The following LSAMP variants were observed in gnomAD, a reference collection of about 807,000 sequenced individuals.
LSAMP encodes limbic system associated membrane protein.
In LSAMP, 7 loss-of-function variants were observed where a neutral mutation model predicts 38.6. The observed-to-expected ratio is 0.18, with a 90% CI of 0.10 to 0.34. The LOEUF (loss-of-function observed/expected upper bound fraction) is 0.34. LSAMP is among the 10% of genes least tolerant of loss of function. LSAMP has a pLI of 1.00. For missense variants in LSAMP, 313 were observed against 420.0 expected, an observed-to-expected ratio of 0.75 and a Z score of 2.23; for synonymous variants, 154 against 166.8, an observed-to-expected ratio of 0.92 and a Z score of 0.59.
chr3:116,231,227 T>G (rs1035285189), intron 1 of LSAMP, among the ~76,000 whole-genome samples: 8 of 152,336 alleles, frequency 5.3e-5, no homozygotes, highest in African/African-American at 1.9e-4. Context: ...TTTTAACATT[T>G]GATGCAGTGA....
intron 1 of LSAMP, among the ~76,000 whole-genome samples, chr3:116,238,241 T>A (rs1220027231): frequency 6.6e-6 from 1 of 152,206 alleles, no homozygotes; most frequent in Non-Finnish European, 1.5e-5. Flanking sequence ...CCTACGAAGT[T>A]ATTGGCTCCC....
chr3:116,403,810 G>A (rs573579693), intron 1 of LSAMP, among the ~76,000 whole-genome samples: 6 of 151,970 alleles, frequency 3.9e-5, no homozygotes, highest in African/African-American at 7.3e-5. Flanking sequence ...GAGTGCAGGG[G>A]GGGTGATCAT....
chr3:116,241,602 A>G (rs1403287211), intron 1 of LSAMP, among the ~76,000 whole-genome samples: 6 of 152,184 alleles, frequency 3.9e-5, no homozygotes, highest in Non-Finnish European at 8.8e-5. Context: ...CTTGGTGTGC[A>G]AAATGTCTTA....
At chr3:116,391,503 C>G (rs2048697064) in intron 1 of LSAMP, among the ~76,000 whole-genome samples, 1 of 152,290 alleles carries the variant, frequency 6.6e-6, no homozygotes, top group Admixed American at 6.5e-5. Context: ...CTGGAGCCCA[C>G]CACCCTGGGG....
chr3:116,246,103 C>T (rs1576457312), intron 1 of LSAMP, among the ~76,000 whole-genome samples: 1 of 152,208 alleles, frequency 6.6e-6, no homozygotes, highest in South Asian at 2.1e-4. Context: ...CTGCTTAAAA[C>T]CGCCAATTAA....
At chr3:116,228,524 T>C (rs2046366825) in intron 1 of LSAMP, among the ~76,000 whole-genome samples, 2 of 152,096 alleles carry the variant, frequency 1.3e-5, no homozygotes, top group South Asian at 4.1e-4. Context: ...CCTGATATGA[T>C]GATTAAATGA....
intron 1 of LSAMP, among the ~76,000 whole-genome samples, chr3:116,103,559 T>G (rs76037305): frequency 7.3e-6 from 1 of 136,478 alleles, no homozygotes; most frequent in Non-Finnish European, 1.6e-5. Flanking sequence ...CATTCCATCT[T>G]TTTTTTTTTT....
intron 1 of LSAMP, among the ~76,000 whole-genome samples, chr3:116,295,230 A>T (rs939178032): frequency 1.1e-4 from 16 of 152,322 alleles, no homozygotes; most frequent in African/African-American, 3.8e-4. Flanking sequence ...AGGAATTTTT[A>T]AATTCTGAAT....
At chr3:116,328,545 T>C (rs2047805314) in intron 1 of LSAMP, among the ~76,000 whole-genome samples, 1 of 152,172 alleles carries the variant, frequency 6.6e-6, no homozygotes. Context: ...TTATTAGAAT[T>C]GTCATATAAA....
chr3:115,820,984 A>T (rs535936897), intron 6 of LSAMP, among the ~76,000 whole-genome samples: 4 of 152,172 alleles, frequency 2.6e-5, no homozygotes, highest in South Asian at 2.1e-4. Flanking sequence ...ATTTTAAAAC[A>T]CCTTCCTGAC....
intron 1 of LSAMP, among the ~76,000 whole-genome samples, chr3:116,201,776 G>A (rs781538331): frequency 6.6e-6 from 1 of 152,076 alleles, no homozygotes; most frequent in Non-Finnish European, 1.5e-5. Context: ...ACCTTGACTG[G>A]ACCTAACTGA....
chr3:116,054,802 A>G (rs1192454988), intron 2 of LSAMP, among the ~76,000 whole-genome samples: 2 of 152,162 alleles, frequency 1.3e-5, no homozygotes, highest in Non-Finnish European at 1.5e-5. Context: ...TTACAGTCAC[A>G]TTTATCACCA....
chr3:115,982,931 C>CTTTTT (rs11386123), intron 3 of LSAMP, among the ~76,000 whole-genome samples: 22 of 136,272 alleles, frequency 1.6e-4, no homozygotes, highest in African/African-American at 6.0e-4. Context: ...CCTATGGAGA[C>CTTTTT]TTTTTTTTTT....
chr3:116,081,213 C>T (rs911187778), intron 2 of LSAMP, among the ~76,000 whole-genome samples: 48 of 152,152 alleles, frequency 3.2e-4, no homozygotes, highest in African/African-American at 1.1e-3. Flanking sequence ...CCTGTATTCC[C>T]AGCACTTTGG....
intron 1 of LSAMP, among the ~76,000 whole-genome samples, chr3:116,346,450 TC>T (rs1248683189): frequency 3.3e-5 from 5 of 152,040 alleles, no homozygotes; most frequent in African/African-American, 9.7e-5. Context: ...CGCCTCAGTG[TC>T]CACAGTAGCT....
chr3:115,877,976 T>C (rs953433617), intron 3 of LSAMP, among the ~76,000 whole-genome samples: 1 of 151,768 alleles, frequency 6.6e-6, no homozygotes, highest in African/African-American at 2.4e-5. Context: ...CCTACTACAG[T>C]CAGGATTTTA....
intron 1 of LSAMP, among the ~76,000 whole-genome samples, chr3:116,222,720 C>CTTTTTTTTTT (rs71141863): frequency 1.2e-4 from 6 of 49,928 alleles, no homozygotes; most frequent in African/African-American, 2.6e-4. Flanking sequence ...TCATCCTCTC[C>CTTTTTTTTTT]TTTTTTTTTT....
Position 115,807,818 on chromosome 3 carries a change from G to A in LSAMP, c.*2499C>T, listed in dbSNP as rs1933664122. ...AATACCTGATTGTCAATAAATTGAT[G>A]CTGCATAGGAATATGGCTCACCTTC... On this transcript the variant is annotated 3_prime_UTR_variant, in exon 7 of 7. Transcript: ENST00000490035. 1 of 152,088 alleles carries A rather than the reference G, an allele frequency of 6.6e-6. No homozygotes were observed. The highest frequency in any genetic ancestry group is 2.4e-5 in the African/African-American group (1 of 41,390). The allele number at this position is 152,088 out of a possible 1,614,324, so 9.4% of individuals were successfully genotyped here.
At chr3:116,182,873 T>C (rs1278622607) in intron 1 of LSAMP, among the ~76,000 whole-genome samples, 3 of 151,866 alleles carry the variant, frequency 2.0e-5, no homozygotes, top group Non-Finnish European at 4.4e-5. Context: ...AATACACAGA[T>C]AAAAGTCCAA....
Sources: allele counts gnomAD v4.1 joint callset (sites outside exome capture counted in the v4.1 genomes callset), GRCh38; gene constraint gnomAD v4.1.1; transcripts MANE v1.5; gene names NCBI Gene and HGNC (gene_info 2026-07-23, HGNC 2026-07-21).